CDH8: variants seen among roughly 807,000 people sequenced by gnomAD.
CDH8 encodes the protein cadherin 8, also known as cadherin-8.
CDH8 carries 17 observed loss-of-function variants against 68.1 expected under a neutral mutation model. The ratio of observed to expected loss-of-function variants is 0.25; its 90% CI spans 0.17 to 0.37. The LOEUF (loss-of-function observed/expected upper bound fraction) is 0.37, where lower values mean the gene tolerates loss of function less well. Ranked by LOEUF, CDH8 falls within the 10% of genes least tolerant of loss-of-function variation. CDH8 has a pLI of 1.00. For synonymous variants in CDH8, 372 were observed against 365.1 expected (o/e 1.02, Z -0.21); for missense variants, 763 against 999.3 (o/e 0.76, Z 3.19).
At chr16:61,964,833 T>C (rs1489154515) in intron 2 of CDH8, among the ~76,000 whole-genome samples, 2 of 152,158 alleles carry the variant, frequency 1.3e-5, no homozygotes, top group Non-Finnish European at 2.9e-5. Context: ...AATAGATTGA[T>C]TTTTTTAAAT....
chr16:61,949,519 C>T (rs1406716791), intron 2 of CDH8, among the ~76,000 whole-genome samples: 2 of 152,084 alleles, frequency 1.3e-5, no homozygotes, highest in African/African-American at 2.4e-5. Flanking sequence ...AATCTTGCTG[C>T]TGCTCACTCT....
intron 8 of CDH8, among the ~76,000 whole-genome samples, chr16:61,740,099 G>C (rs1174599945): frequency 1.3e-5 from 2 of 151,348 alleles, no homozygotes; most frequent in East Asian, 2.0e-4. Flanking sequence ...GTAGAGATGG[G>C]GTTTCATCAT....
intron 2 of CDH8, among the ~76,000 whole-genome samples, chr16:61,935,418 A>G (rs1345320735): frequency 6.6e-6 from 1 of 152,200 alleles, no homozygotes; most frequent in Non-Finnish European, 1.5e-5. Flanking sequence ...GATGAGTAGC[A>G]ATAGCATATA....
At chr16:61,672,769 A>G (rs528145740) in intron 10 of CDH8, among the ~76,000 whole-genome samples, 1 of 152,070 alleles carries the variant, frequency 6.6e-6, no homozygotes, top group Non-Finnish European at 1.5e-5. Flanking sequence ...ATGTTAAGAT[A>G]AAAGTAAGGT....
At position 62,021,657 on chromosome 16, in the gene CDH8, A is replaced by C. The variant is rs1272720354; in HGVS notation, c.-199-55T>G. On this transcript the variant is annotated intron_variant, in intron 1 of 11. Coordinates refer to ENST00000577390, the MANE Select transcript of CDH8 (RefSeq NM_001796.5). ...GGTCTACTCAAACTGGTTTTAAAATAAAATCACTGCTTTTCAAAAGCACCT... is the reference window on the plus strand; with the variant it reads ...GGTCTACTCAAACTGGTTTTAAAATCAAATCACTGCTTTTCAAAAGCACCT... 4.9e-6 allele frequency: 5 copies of C among 1,022,872 alleles called. No homozygotes were observed. In the East Asian group the frequency reaches 9.1e-5, roughly 19 times the overall value. The allele number at this position is 1,022,872 out of a possible 1,614,324, so 63.4% of individuals were successfully genotyped here.
intron 10 of CDH8, among the ~76,000 whole-genome samples, chr16:61,682,570 A>G (rs186284412): frequency 1.4e-3 from 217 of 152,008 alleles, no homozygotes; most frequent in Non-Finnish European, 2.4e-3. Context: ...TAGTATCTCC[A>G]ATTAAATTCT....
intron 2 of CDH8, among the ~76,000 whole-genome samples, chr16:62,000,716 T>C (rs906082096): frequency 2.0e-5 from 3 of 152,082 alleles, no homozygotes; most frequent in Non-Finnish European, 4.4e-5. Context: ...AAATGTTGAA[T>C]TGAAGTTTTT....
chr16:61,918,192 A>G lies in CDH8; in HGVS notation c.253-16719T>C, dbSNP rs1964280394. On this transcript the variant is annotated intron_variant, in intron 2 of 11. Transcript: ENST00000577390. ...AATATTTTTATTAACTCTCAGCCCT[A>G]TGTACTTATATTAGTAATAATCTGT... 2.0e-5 allele frequency: 3 copies of G among 152,084 alleles called. 1 individual carries two copies. The South Asian group carries it at 6.2e-4, about 31-fold the overall frequency. 9.4% of individuals were successfully genotyped at this position (152,084 alleles called of 1,614,324 possible). A position where few individuals can be genotyped will look rare whatever the true frequency, so the allele number is the denominator to read the frequency against.
Position 61,760,704 on chromosome 16 carries a change from CTTTTAGCAGATAA to C in CDH8, c.1414+28629_1414+28641del, listed in dbSNP as rs547625169. On this transcript the variant is annotated intron_variant, in intron 8 of 11. Coordinates refer to ENST00000577390, the MANE Select transcript of CDH8 (RefSeq NM_001796.5). ...TAAAATAGAGGCTAAAACTAAAATA[CTTTTAGCAGATAA>C]TATTGACTATTTGTCATATTAGTTA... is the stretch of plus-strand genomic sequence containing the variant. 1.6e-3 allele frequency among the ~76,000 whole-genome samples: 247 copies of C among 152,176 alleles called. 1 individual carries two copies. The highest frequency in any genetic ancestry group is 5.7e-3 in the African/African-American group (238 of 41,530).
At chr16:61,749,883 A>C (rs2142944715) in intron 8 of CDH8, among the ~76,000 whole-genome samples, 1 of 152,166 alleles carries the variant, frequency 6.6e-6, no homozygotes, top group African/African-American at 2.4e-5. Context: ...CTTTACTGGC[A>C]CCTTTTAAAA....
At chr16:61,961,924 C>G (rs1965161651) in intron 2 of CDH8, among the ~76,000 whole-genome samples, 1 of 152,074 alleles carries the variant, frequency 6.6e-6, no homozygotes, top group African/African-American at 2.4e-5. Context: ...TTTGACTCCC[C>G]CAAAAAACTT....
intron 2 of CDH8, among the ~76,000 whole-genome samples, chr16:62,004,188 C>A (rs1343088714): frequency 6.6e-6 from 1 of 152,210 alleles, no homozygotes; most frequent in Non-Finnish European, 1.5e-5. Context: ...TTAGTCCCCA[C>A]TCAGTGAACT....
intron 8 of CDH8, among the ~76,000 whole-genome samples, chr16:61,732,175 C>T (rs1453918904): frequency 6.6e-6 from 1 of 151,402 alleles, no homozygotes; most frequent in Non-Finnish European, 1.5e-5. Flanking sequence ...GAAAAGGAGA[C>T]AGAGAATGGA....
At chr16:61,965,328 A>G (rs1185127670) in intron 2 of CDH8, among the ~76,000 whole-genome samples, 4 of 152,208 alleles carry the variant, frequency 2.6e-5, no homozygotes, top group Non-Finnish European at 5.9e-5. Flanking sequence ...ATTCTTGCAG[A>G]GAAGGAAGAA....
chr16:61,793,838 C>T (rs1315667468), intron 7 of CDH8, among the ~76,000 whole-genome samples: 1 of 151,986 alleles, frequency 6.6e-6, no homozygotes, highest in Non-Finnish European at 1.5e-5. Context: ...CACTGCCTTC[C>T]ACGATGGTTG....
chr16:61,992,050 T>TTATGTGTGTGTG (rs1965731806), intron 2 of CDH8, among the ~76,000 whole-genome samples: 1 of 144,322 alleles, frequency 6.9e-6, no homozygotes, highest in Non-Finnish European at 1.5e-5. Flanking sequence ...TGCTAAATCT[T>TTATGTGTGTGTG]TGTGTGTGTG....
At chr16:61,729,023 A>G (rs999748705) in intron 8 of CDH8, among the ~76,000 whole-genome samples, 2 of 151,254 alleles carry the variant, frequency 1.3e-5, no homozygotes, top group Non-Finnish European at 3.0e-5. Flanking sequence ...CATGAACAGC[A>G]TCAGGTATAT....
intron 4 of CDH8, among the ~76,000 whole-genome samples, chr16:61,841,394 G>C (rs957406796): frequency 2.0e-5 from 3 of 152,132 alleles, no homozygotes; most frequent in African/African-American, 7.2e-5. Context: ...TGGAACTGGA[G>C]ATCATTATGT....
chr16:61,758,713 T>C (rs2142963364), intron 8 of CDH8, among the ~76,000 whole-genome samples: 1 of 152,310 alleles, frequency 6.6e-6, no homozygotes, highest in Non-Finnish European at 1.5e-5. Context: ...TTTGAAAATA[T>C]ATATTTTTTG....
Sources: allele counts gnomAD v4.1 joint callset (sites outside exome capture counted in the v4.1 genomes callset), GRCh38; gene constraint gnomAD v4.1.1; transcripts MANE v1.5; gene names NCBI Gene and HGNC (gene_info 2026-07-23, HGNC 2026-07-21).